The following MTUS2 variants were observed in gnomAD, a reference collection of about 807,000 sequenced individuals.
The protein encoded by MTUS2 is microtubule associated scaffold protein 2.
Under a neutral mutation model 114.1 loss-of-function variants are expected in MTUS2, and 40 were observed. The ratio of observed to expected loss-of-function variants is 0.35; its 90% CI spans 0.27 to 0.46. The LOEUF (loss-of-function observed/expected upper bound fraction) is 0.46, where lower values mean the gene tolerates loss of function less well. MTUS2 is among the 20% of genes least tolerant of loss of function. The pLI, the probability that MTUS2 is intolerant of heterozygous loss-of-function variation, is 1.00. For synonymous variants in MTUS2, 688 were observed against 672.0 expected (o/e 1.02, Z -0.37); for missense variants, 1,679 against 1,705.4 (o/e 0.98, Z 0.27).
intron 5 of MTUS2, among the ~76,000 whole-genome samples, chr13:29,252,500 A>AG (rs1897156090): frequency 6.6e-6 from 1 of 152,164 alleles, no homozygotes. Context: ...TGTAGGAGGC[A>AG]GGGGAGGACA....
intron 8 of MTUS2, among the ~76,000 whole-genome samples, chr13:29,425,056 C>G (rs1234464929): frequency 2.0e-5 from 3 of 152,096 alleles, no homozygotes; most frequent in Non-Finnish European, 4.4e-5. Flanking sequence ...AGAAAATGTT[C>G]ATAATTTTTA....
intron 2 of MTUS2, among the ~76,000 whole-genome samples, chr13:28,863,755 T>C (rs1877133436): frequency 1.3e-5 from 2 of 152,218 alleles, no homozygotes; most frequent in African/African-American, 4.8e-5. Context: ...TGGATTGAAA[T>C]GGTGTCACCT....
chr13:28,912,665 T>C (rs1448178816), intron 2 of MTUS2, among the ~76,000 whole-genome samples: 1 of 152,194 alleles, frequency 6.6e-6, no homozygotes, highest in Non-Finnish European at 1.5e-5. Flanking sequence ...TTTTTCCATT[T>C]GTTTGTGTCC....
chr13:29,110,499 C>G (rs1159976119), intron 5 of MTUS2, among the ~76,000 whole-genome samples: 1 of 152,096 alleles, frequency 6.6e-6, no homozygotes, highest in African/African-American at 2.4e-5. Flanking sequence ...ATTTAAGTAT[C>G]TAGTTCCCTG....
chr13:29,342,677 T>A (rs187328185), intron 7 of MTUS2, among the ~76,000 whole-genome samples: 1 of 152,108 alleles, frequency 6.6e-6, no homozygotes, highest in African/African-American at 2.4e-5. Context: ...TTACTCTGGC[T>A]AGGACTTCTA....
intron 5 of MTUS2, among the ~76,000 whole-genome samples, chr13:29,144,437 C>T (rs1419582813): frequency 6.6e-6 from 1 of 151,514 alleles, no homozygotes; most frequent in Admixed American, 6.6e-5. Context: ...AGTCGTGGCT[C>T]ACTGCATCCT....
At chr13:29,369,406 A>G (rs979430076) in intron 8 of MTUS2, among the ~76,000 whole-genome samples, 2 of 152,142 alleles carry the variant, frequency 1.3e-5, no homozygotes, top group African/African-American at 4.8e-5. Context: ...CAGAAAGCAA[A>G]TGCCGCTCTC....
At chr13:29,493,917 T>G (rs1248006516) in intron 12 of MTUS2, among the ~76,000 whole-genome samples, 1 of 152,180 alleles carries the variant, frequency 6.6e-6, no homozygotes, top group Non-Finnish European at 1.5e-5. Flanking sequence ...GTTGTGACTG[T>G]CCAGCAGAAT....
At chr13:29,202,132 C>G (rs576473974) in intron 5 of MTUS2, among the ~76,000 whole-genome samples, 2 of 152,266 alleles carry the variant, frequency 1.3e-5, no homozygotes, top group Non-Finnish European at 2.9e-5. Flanking sequence ...CCATCACTTT[C>G]AGGTACACCA....
At chr13:29,343,386 G>A (rs1383413748) in intron 7 of MTUS2, among the ~76,000 whole-genome samples, 5 of 151,960 alleles carry the variant, frequency 3.3e-5, no homozygotes, top group Non-Finnish European at 4.4e-5. Context: ...ATCTAGGAAG[G>A]TTGTATATTT....
intron 2 of MTUS2, among the ~76,000 whole-genome samples, chr13:28,989,852 G>GTT (rs67968989): frequency 4.2e-5 from 6 of 143,694 alleles, no homozygotes; most frequent in Non-Finnish European, 7.7e-5. Context: ...GTTTTGTTTT[G>GTT]TTTTTTTTTT....
intron 2 of MTUS2, among the ~76,000 whole-genome samples, chr13:28,999,786 C>T (rs530941742): frequency 2.0e-5 from 3 of 152,274 alleles, no homozygotes; most frequent in South Asian, 2.1e-4. Flanking sequence ...CCCCATCCCC[C>T]GCCAGCCTCT....
intron 5 of MTUS2, among the ~76,000 whole-genome samples, chr13:29,264,980 C>A (rs111862491): frequency 6.6e-6 from 1 of 152,284 alleles, no homozygotes; most frequent in East Asian, 1.9e-4. Flanking sequence ...GATTGAATTC[C>A]TCTTTACTTT....
intron 14 of MTUS2, 107 bp downstream of exon 14, chr13:29,498,644 T>C: frequency 9.7e-6 from 14 of 1,448,790 alleles, no homozygotes; most frequent in Non-Finnish European, 1.3e-5. Flanking sequence ...TACCTGCCCA[T>C]TGCTTACACC....
At chr13:29,397,850 C>T (rs575421167) in intron 8 of MTUS2, among the ~76,000 whole-genome samples, 1 of 152,184 alleles carries the variant, frequency 6.6e-6, no homozygotes, top group Admixed American at 6.5e-5. Flanking sequence ...CTGACTCAAA[C>T]CAGTAATCCT....
intron 9 of MTUS2, among the ~76,000 whole-genome samples, chr13:29,471,433 A>G (rs566895387): frequency 6.6e-6 from 1 of 152,310 alleles, no homozygotes; most frequent in South Asian, 2.1e-4. Flanking sequence ...GTTCTCCACT[A>G]TGCCAAGAAC....
At chr13:29,082,318 G>A (rs1889480258) in intron 4 of MTUS2, among the ~76,000 whole-genome samples, 2 of 152,018 alleles carry the variant, frequency 1.3e-5, no homozygotes, top group South Asian at 2.1e-4. Flanking sequence ...TTGTTATGAC[G>A]GCCTGAGCTG....
At chr13:29,258,295 T>A (rs1173506380) in intron 5 of MTUS2, among the ~76,000 whole-genome samples, 1 of 152,224 alleles carries the variant, frequency 6.6e-6, no homozygotes, top group Non-Finnish European at 1.5e-5. Flanking sequence ...CATTCCTTGC[T>A]ATGTGGTCCC....
chr13:28,867,227 A>G (rs996420354), intron 2 of MTUS2, among the ~76,000 whole-genome samples: 4 of 152,246 alleles, frequency 2.6e-5, no homozygotes, highest in South Asian at 2.1e-4. Context: ...AAATACTTCT[A>G]TCATTCTTAC....
Sources: allele counts gnomAD v4.1 joint callset (sites outside exome capture counted in the v4.1 genomes callset), GRCh38; gene constraint gnomAD v4.1.1; transcripts MANE v1.5; gene names NCBI Gene and HGNC (gene_info 2026-07-23, HGNC 2026-07-21).